The following FSIP2 variants were observed in gnomAD, a reference collection of about 807,000 sequenced individuals.
The protein encoded by FSIP2 is fibrous sheath interacting protein 2.
In FSIP2, 367 loss-of-function variants were observed where a neutral mutation model predicts 510.5. The observed-to-expected ratio is 0.72, with a 90% CI of 0.66 to 0.78. The LOEUF (loss-of-function observed/expected upper bound fraction) is 0.78, where lower values mean the gene tolerates loss of function less well. Among genes scored for constraint, FSIP2 ranks in the 30% least tolerant of loss-of-function variants. The pLI is 0.00. For synonymous variants in FSIP2, 2,601 were observed against 2,732.2 expected, an observed-to-expected ratio of 0.95 and a Z score of 1.50; for missense variants, 7,594 against 7,901.7, an observed-to-expected ratio of 0.96 and a Z score of 1.48.
intron 14 of FSIP2, 67 bp downstream of exon 14, chr2:185,782,829 A>G (rs1428120222): frequency 2.4e-6 from 2 of 824,072 alleles, no homozygotes; most frequent in South Asian, 1.5e-5. Flanking sequence ...TGCTGCTCAT[A>G]AGCAAATGAT....
At position 185,789,727 on chromosome 2, in the gene FSIP2, T is replaced by TGG. The variant is rs1307759770; in HGVS notation, c.2591_2592insGG (p.Phe864LeufsTer20). 5.9e-6 allele frequency: 9 copies of TGG among 1,534,346 alleles called. No individual in the cohort carries two copies. Among genetic ancestry groups the TGG allele is most frequent in the Non-Finnish European group, 7.9e-6 (9 of 1,145,784 alleles). ...CATAAGACAGACCCAATATGTATGTTCCTTCAAAGAGCTGGCAAAAATAAA... is the reference window on the plus strand; with the variant it reads ...CATAAGACAGACCCAATATGTATGTTGGCCTTCAAAGAGCTGGCAAAAATAAA... On this transcript the variant is annotated frameshift_variant, in exon 16 of 23. Transcript: ENST00000424728. LOFTEE classifies it high-confidence loss of function.
rs1467670319 is a variant in FSIP2, at chr2:185,791,927, C to T, written c.4791C>T (p.Ala1597=). The T allele has an allele frequency of 6.5e-7, 1 of 1,533,722 alleles. No individual in the cohort carries two copies. Among genetic ancestry groups the T allele is most frequent in the South Asian group, 1.2e-5 (1 of 83,982 alleles). The part of the protein sequence containing the change: ...NMVFAKLEGF[A]NGHLEILGAI... The stretch of plus-strand genomic sequence containing the variant: ...TTTTTGCTAAACTGGAAGGGTTTGC[C>T]AACGGACATTTAGAAATTTTGGGTG... The change falls in exon 16 of 23, where the codon GCC becomes GCT. Residue 1597 remains alanine (A), a synonymous_variant. Coordinates refer to ENST00000424728, the MANE Select transcript of FSIP2 (RefSeq NM_173651.4).
intron 13 of FSIP2, among the ~76,000 whole-genome samples, chr2:185,773,625 A>C (rs1692656551): frequency 6.6e-6 from 1 of 152,280 alleles, no homozygotes; most frequent in South Asian, 2.1e-4. Context: ...CACACCAGTA[A>C]GTTTTTAATC....
At chr2:185,817,429 A>G (rs2105672881) in intron 19 of FSIP2, among the ~76,000 whole-genome samples, 1 of 152,128 alleles carries the variant, frequency 6.6e-6, no homozygotes, top group Non-Finnish European at 1.5e-5. Context: ...CTGAAGAAGG[A>G]GCAGGAAGTG....
chr2:185,814,778 A>G lies in FSIP2; in HGVS notation c.20326-593A>G, dbSNP rs1444946599. Among the ~76,000 whole-genome samples the G allele has an allele frequency of 2.6e-5, 4 of 152,166 alleles. No homozygotes were observed. The South Asian group carries it at 6.2e-4, about 24-fold the overall frequency. On this transcript the variant is annotated intron_variant, in intron 18 of 22. Transcript: ENST00000424728. ...TTTAGAATTAATTTTAATTATTTTCATCTACTGGATACATGAAATTCCATA... is the reference window on the plus strand; with the variant it reads ...TTTAGAATTAATTTTAATTATTTTCGTCTACTGGATACATGAAATTCCATA...
Position 185,803,784 on chromosome 2 carries a change from G to A in FSIP2, c.14478G>A (p.Val4826=), listed in dbSNP as rs1693497792. 2.0e-6 allele frequency: 3 copies of A among 1,519,574 alleles called. No individual in the cohort carries two copies. Among genetic ancestry groups the A allele is most frequent in the African/African-American group, 1.4e-5 (1 of 72,090 alleles). 94.1% of individuals were successfully genotyped at this position (1,519,574 alleles called of 1,614,324 possible). The part of the protein sequence containing the change: ...DTTKSDLSNT[V]IKLINEIMSI... ...CTAAATCAGACTTAAGTAATACAGT[G>A]ATAAAACTGATAAATGAAATTATGT... Residue 4826 remains valine, a synonymous_variant, in exon 17 of 23, where the codon GTG becomes GTA. Coordinates refer to ENST00000424728, the MANE Select transcript of FSIP2 (RefSeq NM_173651.4).
At chr2:185,772,354 C>T (rs1692621124) in intron 13 of FSIP2, among the ~76,000 whole-genome samples, 1 of 152,078 alleles carries the variant, frequency 6.6e-6, no homozygotes, top group Non-Finnish European at 1.5e-5. Flanking sequence ...ATTTGTATTG[C>T]TATAAAGGAA....
intron 2 of FSIP2, 126 bp from the exon 3 acceptor site, chr2:185,743,007 G>C: frequency 1.5e-6 from 1 of 684,508 alleles, no homozygotes; most frequent in Non-Finnish European, 2.3e-6. Context: ...ATTTTTCTGT[G>C]GCTGTTTTTC....
intron 8 of FSIP2, among the ~76,000 whole-genome samples, chr2:185,754,824 T>C (rs958714518): frequency 1.3e-5 from 2 of 151,546 alleles, no homozygotes; most frequent in Admixed American, 6.6e-5. Context: ...TCTAGCGATG[T>C]TATGGCTTGG....
At chr2:185,783,237 T>C (rs1416484478) in intron 14 of FSIP2, among the ~76,000 whole-genome samples, 2 of 152,192 alleles carry the variant, frequency 1.3e-5, no homozygotes, top group Non-Finnish European at 2.9e-5. Flanking sequence ...GTGGAAATTA[T>C]GGCACTTAGA....
At position 185,807,247 on chromosome 2, in the gene FSIP2, A is replaced by G; in HGVS notation, c.17941A>G (p.Lys5981Glu). ...TTCAGCATGTTTGCCTCTGGAATCT[A>G]AGGATGTTGTTAAAAAGGTCCAAAA... ...SVSACLPLES[K>E]DVVKKVQKLA... Residue 5981 changes from lysine to glutamate, a missense_variant, in exon 17 of 23, where the codon AAG (lysine) becomes GAG (glutamate). Lys to Glu is a moderately conservative substitution (Grantham distance 56). Coordinates refer to ENST00000424728, the MANE Select transcript of FSIP2 (RefSeq NM_173651.4). 6 of 1,612,014 alleles carry G rather than the reference A, an allele frequency of 3.7e-6. No individual in the cohort carries two copies. The highest frequency in any genetic ancestry group is 5.1e-6 in the Non-Finnish European group (6 of 1,179,038).
chr2:185,760,969 C>T lies in FSIP2; in HGVS notation c.1079-19C>T. 1.0e-6 allele frequency: 1 copy of T among 981,782 alleles called. No homozygotes were observed. Among genetic ancestry groups the T allele is most frequent in the Non-Finnish European group, 1.5e-6 (1 of 685,064 alleles). The allele number at this position is 981,782 out of a possible 1,614,324, so 60.8% of individuals were successfully genotyped here. On this transcript the variant is annotated intron_variant, in intron 9 of 22. Coordinates refer to ENST00000424728, the MANE Select transcript of FSIP2 (RefSeq NM_173651.4). ...AAAAAAAAAAAAAACTATAGAGTTT[C>T]TCTCTCGTTTTCTTTTAGGACATAC...
chr2:185,775,775 TGCCTCA>T (rs1238574428), intron 13 of FSIP2, among the ~76,000 whole-genome samples: 4 of 152,156 alleles, frequency 2.6e-5, no homozygotes, highest in Non-Finnish European at 5.9e-5. Flanking sequence ...GCAGTTCTCC[TGCCTCA>T]GCCTCCCGAG....
chr2:185,793,902 A>C lies in FSIP2; in HGVS notation c.6766A>C (p.Thr2256Pro). Reference sequence around the variant, plus strand: ...GGAAAATGCTAACTTCATTACTAAAACTATTTTTAAACGTTTGGAATCTTT... The same window carrying C: ...GGAAAATGCTAACTTCATTACTAAACCTATTTTTAAACGTTTGGAATCTTT... ...CEENANFITKTIFKRLESFAT... is the reference protein window; with the variant it reads ...CEENANFITKPIFKRLESFAT... Residue 2256 changes from threonine (T) to proline (P), a missense_variant, in exon 16 of 23, where the codon ACT (threonine) becomes CCT (proline). Transcript: ENST00000424728. 6.5e-7 allele frequency: 1 copy of C among 1,527,186 alleles called. No homozygotes were observed. The highest frequency in any genetic ancestry group is 1.7e-4 in the Middle Eastern group (1 of 5,922). The allele number at this position is 1,527,186 out of a possible 1,614,324, so 94.6% of individuals were successfully genotyped here.
rs1216053077 is a variant in FSIP2, at chr2:185,807,906, A to G, written c.18600A>G (p.Glu6200=). The G allele has an allele frequency of 7.5e-6, 12 of 1,602,118 alleles. No homozygotes were observed. Among genetic ancestry groups the G allele is most frequent in the Non-Finnish European group, 1.0e-5 (12 of 1,176,064 alleles). Residue 6200 remains glutamate (E), a synonymous_variant, in exon 17 of 23, where the codon GAA becomes GAG. Transcript: ENST00000424728. ...CTATATTTCCAAAAGTACATAAAGA[A>G]AGAACAAAATCTCTAGAGACTGATA... ...LLSIFPKVHK[E]RTKSLETDMQ...
intron 13 of FSIP2, among the ~76,000 whole-genome samples, chr2:185,775,971 A>G (rs1172057882): frequency 6.6e-6 from 1 of 152,072 alleles, no homozygotes; most frequent in Non-Finnish European, 1.5e-5. Context: ...CCAGGTTTTT[A>G]TTTAAAAATT....
intron 19 of FSIP2, among the ~76,000 whole-genome samples, chr2:185,822,090 A>G (rs1197610909): frequency 1.3e-5 from 2 of 151,998 alleles, no homozygotes; most frequent in Non-Finnish European, 2.9e-5. Flanking sequence ...AAGGTCATAT[A>G]TGAAACATCT....
chr2:185,829,268 G>A (rs1437525981), intron 21 of FSIP2, among the ~76,000 whole-genome samples: 1 of 151,800 alleles, frequency 6.6e-6, no homozygotes, highest in Non-Finnish European at 1.5e-5. Flanking sequence ...CAAATAAGGT[G>A]GAGTAGGCAG....
At chr2:185,765,726 A>G (rs1056562864) in intron 13 of FSIP2, 1 of 151,838 alleles carries the variant, frequency 6.6e-6, no homozygotes, top group South Asian at 2.1e-4. Flanking sequence ...TCTATAAATT[A>G]CCTTGGGCAG....
Sources: gnomAD v4.1 joint callset for allele counts (sites outside exome capture counted in the v4.1 genomes callset) on GRCh38, gnomAD v4.1.1 for gene constraint, MANE v1.5 for transcripts, NCBI Gene and HGNC (gene_info 2026-07-23, HGNC 2026-07-21) for gene names.